The following AFF2 variants were observed in gnomAD, a reference collection of about 807,000 sequenced individuals.
The protein encoded by AFF2 is ALF transcription elongation factor 2.
Under a neutral mutation model 76.9 loss-of-function variants are expected in AFF2, and 14 were observed. That is an observed-to-expected ratio of 0.18 (90% CI 0.12 to 0.28). The LOEUF is 0.28. Among genes scored for constraint, AFF2 ranks in the 10% least tolerant of loss-of-function variants. The probability of loss-of-function intolerance (pLI) is 1.00; values close to 1 mark genes in which losing one functional copy is unlikely to be tolerated. For synonymous variants in AFF2, 398 were observed against 366.7 expected (o/e 1.09, Z -0.98); for missense variants, 868 against 1,001.1 (o/e 0.87, Z 1.79).
chrX:148,865,338 G>T (rs2070893822), intron 7 of AFF2, among the ~76,000 whole-genome samples: 1 of 112,217 alleles, frequency 8.9e-6, no homozygotes, highest in African/African-American at 3.2e-5. Flanking sequence ...AATAGCCTAG[G>T]TACTGTCTGT....
In AFF2 at chrX:148,552,122, G is replaced by A. The variant is rs782687581; in HGVS notation, c.47+50978G>A. 1.2e-4 allele frequency among the ~76,000 whole-genome samples: 14 copies of A among 112,735 alleles called. No individual in the cohort carries two copies. In the South Asian group the frequency reaches 5.1e-3, roughly 41 times the overall value. On this transcript the variant is annotated intron_variant, in intron 1 of 20. Transcript: ENST00000370460. The stretch of plus-strand genomic sequence containing the variant: ...CGGTCTCTCATGGACCCCACCATGT[G>A]TACCTTTTTCCTTTGCTGATTTTAA...
chrX:148,949,861 T>A (rs1045001318), intron 9 of AFF2, among the ~76,000 whole-genome samples: 24 of 112,894 alleles, frequency 2.1e-4, no homozygotes, highest in African/African-American at 6.8e-4. Flanking sequence ...AAAAATAACA[T>A]TAATACAGTC....
At chrX:148,552,747 G>A (rs782458714) in intron 1 of AFF2, among the ~76,000 whole-genome samples, 8 of 112,227 alleles carry the variant, frequency 7.1e-5, no homozygotes, top group African/African-American at 2.3e-4. Context: ...TTGCATGAAT[G>A]AAAAAGTCAA....
At chrX:148,959,053 G>A in intron 12 of AFF2, among the ~76,000 whole-genome samples, 1 of 108,714 alleles carries the variant, frequency 9.2e-6, no homozygotes, top group Admixed American at 9.8e-5. Context: ...CAGGAGGAGG[G>A]CCACTCCCAG....
At chrX:148,752,076 G>A (rs1007987400) in intron 3 of AFF2, among the ~76,000 whole-genome samples, 1 of 110,998 alleles carries the variant, frequency 9.0e-6, no homozygotes, top group African/African-American at 3.3e-5. Context: ...CATGAAGGAG[G>A]AGCCCTCATG....
At chrX:148,514,375 G>A (rs782385180) in intron 1 of AFF2, among the ~76,000 whole-genome samples, 2 of 112,606 alleles carry the variant, frequency 1.8e-5, no homozygotes, top group South Asian at 7.3e-4. Flanking sequence ...TTGTGAATTT[G>A]GGCCTTCCAC....
chrX:148,818,839 C>T (rs1343816907), intron 4 of AFF2, among the ~76,000 whole-genome samples: 2 of 110,911 alleles, frequency 1.8e-5, no homozygotes, highest in Admixed American at 1.9e-4. Context: ...TTTCCTCCAG[C>T]AGTGCTTATT....
At chrX:148,580,075 G>T (rs1557244111) in intron 1 of AFF2, among the ~76,000 whole-genome samples, 3 of 112,022 alleles carry the variant, frequency 2.7e-5, no homozygotes. Context: ...AGAGCTCAGA[G>T]ACTGCAAACT....
chrX:148,710,618 T>C (rs2054955529), intron 3 of AFF2, among the ~76,000 whole-genome samples: 1 of 112,136 alleles, frequency 8.9e-6, no homozygotes, highest in Admixed American at 9.5e-5. Context: ...TACTTTTTTG[T>C]CACCTGAAAC....
intron 7 of AFF2, among the ~76,000 whole-genome samples, chrX:148,847,396 C>T (rs1237802320): frequency 8.9e-6 from 1 of 112,006 alleles, no homozygotes; most frequent in Admixed American, 9.4e-5. Flanking sequence ...CTTTGTAAAA[C>T]TTGGTTGTTA....
At chrX:148,589,407 G>A (rs909711773) in intron 1 of AFF2, among the ~76,000 whole-genome samples, 4 of 112,313 alleles carry the variant, frequency 3.6e-5, no homozygotes, top group Non-Finnish European at 7.5e-5. Flanking sequence ...AGAGAAGGAT[G>A]ACTATGCTTC....
intron 1 of AFF2, among the ~76,000 whole-genome samples, chrX:148,517,616 T>A (rs1557233975): frequency 8.9e-6 from 1 of 112,224 alleles, no homozygotes; most frequent in African/African-American, 3.2e-5. Context: ...CTTTCAGTCA[T>A]TATTCAACAA....
intron 7 of AFF2, among the ~76,000 whole-genome samples, chrX:148,856,467 T>C (rs1569556269): frequency 9.0e-6 from 1 of 111,189 alleles, no homozygotes; most frequent in Non-Finnish European, 1.9e-5. Flanking sequence ...TCTGGTTGAC[T>C]CCAGTAAGAG....
At chrX:148,982,893 A>G (rs962324339) in intron 19 of AFF2, among the ~76,000 whole-genome samples, 8 of 112,466 alleles carry the variant, frequency 7.1e-5, no homozygotes, top group African/African-American at 2.6e-4. Flanking sequence ...GTAGAAAAAT[A>G]TGAGAGAAAA....
At chrX:148,518,887 G>A (rs963896817) in intron 1 of AFF2, among the ~76,000 whole-genome samples, 1 of 111,718 alleles carries the variant, frequency 9.0e-6, no homozygotes, top group Non-Finnish European at 1.9e-5. Context: ...TTTGTCTGTT[G>A]TTGGTTGGGG....
intron 3 of AFF2, among the ~76,000 whole-genome samples, chrX:148,783,788 C>T (rs1364423956): frequency 2.7e-5 from 3 of 111,754 alleles, no homozygotes; most frequent in Non-Finnish European, 5.6e-5. Flanking sequence ...AGATAGCTAA[C>T]AAATGAGGGC....
chrX:148,712,332 C>T (rs911735846), intron 3 of AFF2, among the ~76,000 whole-genome samples: 14 of 111,623 alleles, frequency 1.3e-4, no homozygotes, highest in African/African-American at 4.6e-4. Flanking sequence ...CTGAAAAACC[C>T]TCATTTTCAA....
At chrX:148,704,869 G>A (rs1010853643) in intron 3 of AFF2, among the ~76,000 whole-genome samples, 3 of 109,829 alleles carry the variant, frequency 2.7e-5, no homozygotes, top group African/African-American at 6.6e-5. Flanking sequence ...ATCTCACTAT[G>A]TTGCCCAAGG....
intron 1 of AFF2, among the ~76,000 whole-genome samples, chrX:148,593,891 C>T (rs1175329851): frequency 3.6e-5 from 4 of 111,108 alleles, no homozygotes; most frequent in Non-Finnish European, 7.5e-5. Flanking sequence ...CAGCATGGAA[C>T]CAGAACCCTT....
Sources: allele counts gnomAD v4.1 joint callset (sites outside exome capture counted in the v4.1 genomes callset), GRCh38; gene constraint gnomAD v4.1.1; transcripts MANE v1.5; gene names NCBI Gene and HGNC (gene_info 2026-07-23, HGNC 2026-07-21).